ZNF334: variants seen among roughly 807,000 people sequenced by gnomAD.
ZNF334 encodes the protein zinc finger protein 334.
Under a neutral mutation model 12.4 loss-of-function variants are expected in ZNF334, and 14 were observed. The ratio of observed to expected loss-of-function variants is 1.13; its 90% CI spans 0.74 to 1.76. The LOEUF is 1.76. ZNF334 is among the 40% of genes most tolerant of loss of function. The probability of loss-of-function intolerance (pLI) is 0.00; values close to 1 mark genes in which losing one functional copy is unlikely to be tolerated. For synonymous variants in ZNF334, 273 were observed against 269.6 expected, an observed-to-expected ratio of 1.01 and a Z score of -0.12; for missense variants, 797 against 804.5, an observed-to-expected ratio of 0.99 and a Z score of 0.11.
the ZNF334 span, among the ~76,000 whole-genome samples, chr20:46,482,193 T>C: frequency 0.093 from 14,086 of 152,220 alleles, 888 homozygotes; most frequent in East Asian, 0.21. Flanking sequence ...AACTGTAAGA[T>C]TATAAATTTG....
the ZNF334 span, among the ~76,000 whole-genome samples, chr20:46,475,351 C>G: frequency 6.6e-6 from 1 of 151,958 alleles, no homozygotes; most frequent in Non-Finnish European, 1.5e-5. Context: ...AACTATAAAA[C>G]TTTTAGGAAA....
At chr20:46,486,711 T>C in the ZNF334 span, among the ~76,000 whole-genome samples, 1 of 140,764 alleles carries the variant, frequency 7.1e-6, no homozygotes, top group East Asian at 2.1e-4. Context: ...ACAGGGCATA[T>C]TATAGTTTGA....
intron 2 of ZNF334, chr20:46,509,474 A>G: frequency 3.0e-6 from 2 of 671,678 alleles, no homozygotes; most frequent in Non-Finnish European, 5.5e-6. Flanking sequence ...AAGAGGGGCA[A>G]GTTTCCTCAG....
the ZNF334 span, chr20:46,464,305 A>C: frequency 1.8e-6 from 1 of 552,370 alleles, no homozygotes; most frequent in East Asian, 4.8e-5. Flanking sequence ...TGGGAATGAC[A>C]AAGTTAGATG....
At chr20:46,463,955 A>G in the ZNF334 span, 2 of 575,754 alleles carry the variant, frequency 3.5e-6, no homozygotes, top group Non-Finnish European at 6.9e-6. Context: ...TCATTTTCAA[A>G]GTCTGTCAGT....
the ZNF334 span, among the ~76,000 whole-genome samples, chr20:46,466,153 C>T: frequency 6.6e-6 from 1 of 152,038 alleles, no homozygotes; most frequent in Admixed American, 6.6e-5. Context: ...AAAAAATTTT[C>T]TTATCTAATC....
the ZNF334 span, among the ~76,000 whole-genome samples, chr20:46,488,424 TATATATA>T: frequency 8.1e-6 from 1 of 122,952 alleles, no homozygotes; most frequent in Non-Finnish European, 1.7e-5. Context: ...TTATTTTATA[TATATATA>T]TATATATATA....
the ZNF334 span, among the ~76,000 whole-genome samples, chr20:46,483,138 G>A: frequency 1.3e-5 from 2 of 152,162 alleles, no homozygotes; most frequent in Non-Finnish European, 1.5e-5. Flanking sequence ...GGTTTTAAAT[G>A]TTGTGACTGT....
At chr20:46,464,989 C>T in the ZNF334 span, 1 of 442,264 alleles carries the variant, frequency 2.3e-6, no homozygotes. Context: ...CTGCAGCGGC[C>T]TCCATAAACA....
chr20:46,473,873 G>A, the ZNF334 span, among the ~76,000 whole-genome samples: 52 of 152,268 alleles, frequency 3.4e-4, no homozygotes, highest in African/African-American at 1.2e-3. Flanking sequence ...GTAGGGGAAG[G>A]TCACCCAAAG....
the ZNF334 span, among the ~76,000 whole-genome samples, chr20:46,494,033 A>C: frequency 6.6e-6 from 1 of 152,226 alleles, no homozygotes; most frequent in Non-Finnish European, 1.5e-5. Context: ...AAAAATTGCA[A>C]CAATTCTAGG....
chr20:46,467,125 T>C, the ZNF334 span, among the ~76,000 whole-genome samples: 1 of 152,200 alleles, frequency 6.6e-6, no homozygotes, highest in East Asian at 1.9e-4. Context: ...TGTAGGAATC[T>C]ATAAGGTGAG....
At chr20:46,490,229 T>G in the ZNF334 span, among the ~76,000 whole-genome samples, 1 of 152,216 alleles carries the variant, frequency 6.6e-6, no homozygotes. Flanking sequence ...AACAAAGATG[T>G]AGATTTAAGA....
rs758293066 is a variant in ZNF334 at position 46,504,769 on chromosome 20, C to A, written c.22-29G>T. On this transcript the variant is annotated intron_variant, in intron 2 of 4. Transcript: ENST00000692313. ...AAAGAAAATGTTTAATCTTGGGTGA[C>A]CAAAATTGAGTGATATCAAATGTAT... 3.8e-6 allele frequency: 6 copies of A among 1,570,920 alleles called. No homozygotes were observed. In the African/African-American group the frequency reaches 5.5e-5, roughly 14 times the overall value.
rs2061725639 is a variant in ZNF334, at chr20:46,513,456, C to T, written c.-955G>A. The T allele has an allele frequency of 6.6e-6, 1 of 152,418 alleles. No homozygotes were observed. Among genetic ancestry groups the T allele is most frequent in the Admixed American group, 6.5e-5 (1 of 15,286 alleles). 9.4% of individuals were successfully genotyped at this position (152,418 alleles called of 1,614,324 possible). ...GCTCAGAGCTCGCCGCCAGCCCTTC[C>T]TATAGGTTGTGGGTGCACCCGCTTC... On this transcript the variant is annotated 5_prime_UTR_variant, in exon 1 of 5. Coordinates refer to ENST00000692313, the MANE Select transcript of ZNF334 (RefSeq NM_001353824.2).
chr20:46,507,859 G>A (rs111295697), intron 2 of ZNF334, among the ~76,000 whole-genome samples: 15 of 152,252 alleles, frequency 9.9e-5, no homozygotes, highest in African/African-American at 3.4e-4. Context: ...TCCTCTGAAG[G>A]ACCTATAAGC....
In ZNF334 at chr20:46,502,867, T is replaced by C; in HGVS notation, c.472A>G (p.Asn158Asp). The C allele has an allele frequency of 6.2e-7, 1 of 1,613,662 alleles. No individual in the cohort carries two copies. Among genetic ancestry groups the C allele is most frequent in the Non-Finnish European group, 8.5e-7 (1 of 1,179,888 alleles). Residue 158 changes from asparagine to aspartate, a missense_variant, in exon 5 of 5, where the codon AAC becomes GAC. Asn to Asp is a conservative substitution (Grantham distance 23, BLOSUM62 1). Transcript: ENST00000692313. ...CTGTATCCATCAGGAATCTTTCTGT[T>C]TTCTTTGCTTTTCTTTGCAACAATT... is the stretch of plus-strand genomic sequence containing the variant. ...EVIVAKKSKE[N>D]RKIPDGYSGF...
At chr20:46,507,480 TATTC>T (rs2061478869) in intron 2 of ZNF334, among the ~76,000 whole-genome samples, 1 of 152,238 alleles carries the variant, frequency 6.6e-6, no homozygotes, top group Admixed American at 6.5e-5. Context: ...AATAATACTG[TATTC>T]ATGTGAATTT....
intron 2 of ZNF334, among the ~76,000 whole-genome samples, chr20:46,507,662 G>GT (rs1232439074): frequency 1.3e-5 from 2 of 152,188 alleles, no homozygotes; most frequent in African/African-American, 4.8e-5. Context: ...TTGGCCTGCT[G>GT]TATGTCTCAC....
Sources: gnomAD v4.1 joint callset for allele counts (sites outside exome capture counted in the v4.1 genomes callset) on GRCh38, gnomAD v4.1.1 for gene constraint, MANE v1.5 for transcripts, NCBI Gene and HGNC (gene_info 2026-07-23, HGNC 2026-07-21) for gene names.